Variants in AOPEP observed in about 807,000 individuals in gnomAD.
AOPEP encodes aminopeptidase O (putative), also known as aminopeptidase O.
A neutral mutation model predicts 98.1 loss-of-function variants in AOPEP; 77 were observed. That is an observed-to-expected ratio of 0.78 (90% CI 0.65 to 0.95). The LOEUF is 0.95. Ranked by LOEUF, AOPEP falls within the 40% of genes least tolerant of loss-of-function variation. AOPEP has a pLI of 0.00. For missense variants in AOPEP, 1,024 were observed against 1,024.7 expected, an observed-to-expected ratio of 1.00 and a Z score of 0.01; for synonymous variants, 346 against 365.3, an observed-to-expected ratio of 0.95 and a Z score of 0.60.
intron 13 of AOPEP, among the ~76,000 whole-genome samples, chr9:95,040,150 C>A (rs911203259): frequency 2.6e-5 from 4 of 152,178 alleles, no homozygotes; most frequent in African/African-American, 9.7e-5. Context: ...AGTCAGGGGA[C>A]CCTGAGGCCA....
At position 94,929,158 on chromosome 9, in the gene AOPEP, C is replaced by T. The variant is rs139995515; in HGVS notation, c.1661+627C>T. 4.7e-3 allele frequency among the ~76,000 whole-genome samples: 723 copies of T among 152,300 alleles called. 1 individual carries two copies. Among genetic ancestry groups the T allele is most frequent in the Non-Finnish European group, 7.9e-3 (535 of 68,028 alleles). Reference sequence around the variant, plus strand: ...AAACCTGGTACCTAGGCTCCGGGAGCACTGTGGTTGCTATGGCAACAGGAG... The same window carrying T: ...AAACCTGGTACCTAGGCTCCGGGAGTACTGTGGTTGCTATGGCAACAGGAG... On this transcript the variant is annotated intron_variant, in intron 7 of 16. Transcript: ENST00000375315.
chr9:94,875,408 G>A (rs1318144031), intron 5 of AOPEP, among the ~76,000 whole-genome samples: 1 of 145,590 alleles, frequency 6.9e-6, no homozygotes, highest in Non-Finnish European at 1.5e-5. Context: ...GAGTCAAAAT[G>A]GATTCAGAGA....
At chr9:94,769,807 C>T (rs563649484) in intron 2 of AOPEP, among the ~76,000 whole-genome samples, 3 of 152,148 alleles carry the variant, frequency 2.0e-5, no homozygotes, top group African/African-American at 4.8e-5. Flanking sequence ...GGTCAGGTGC[C>T]CAGATGCACA....
At chr9:94,727,958 A>G (rs759255668) in intron 1 of AOPEP, among the ~76,000 whole-genome samples, 1 of 152,216 alleles carries the variant, frequency 6.6e-6, no homozygotes, top group Non-Finnish European at 1.5e-5. Flanking sequence ...TTTCGGTTAT[A>G]TGAAATTGAC....
intron 5 of AOPEP, chr9:94,920,076 T>C (rs1258554331): frequency 6.6e-6 from 1 of 151,780 alleles, no homozygotes; most frequent in Admixed American, 6.6e-5. Flanking sequence ...TCACCTGAGG[T>C]TGGGAGTTTG....
intron 5 of AOPEP, among the ~76,000 whole-genome samples, chr9:94,915,507 GA>G (rs1221479882): frequency 6.6e-6 from 1 of 152,078 alleles, no homozygotes; most frequent in Non-Finnish European, 1.5e-5. Flanking sequence ...GTCTGGCAGG[GA>G]ACCCGCTCTT....
At chr9:94,898,099 C>T (rs1474629342) in intron 5 of AOPEP, among the ~76,000 whole-genome samples, 5 of 152,066 alleles carry the variant, frequency 3.3e-5, no homozygotes, top group Non-Finnish European at 5.9e-5. Context: ...CTCAGCCTCC[C>T]GAAATGCTGG....
At chr9:94,935,908 C>G (rs2056198563) in intron 7 of AOPEP, among the ~76,000 whole-genome samples, 1 of 152,202 alleles carries the variant, frequency 6.6e-6, no homozygotes, top group African/African-American at 2.4e-5. Flanking sequence ...GTGTTGTACT[C>G]ATCGCTGGTG....
At chr9:94,860,477 G>T (rs924002635) in intron 5 of AOPEP, among the ~76,000 whole-genome samples, 3 of 152,154 alleles carry the variant, frequency 2.0e-5, no homozygotes, top group African/African-American at 7.2e-5. Flanking sequence ...AGAATGAAGC[G>T]ACAGGAGTAG....
At chr9:95,135,459 G>A in the AOPEP span, 1 of 1,614,090 alleles carries the variant, frequency 6.2e-7, no homozygotes, top group Non-Finnish European at 8.5e-7. Context: ...AGGTGCCGAA[G>A]CCAGAGGCAG....
chr9:95,099,342 CA>C, the AOPEP span: 1 of 227,744 alleles, frequency 4.4e-6, no homozygotes, highest in Non-Finnish European at 8.7e-6. Context: ...CAGTTCCTTC[CA>C]GGGTGGCTTC....
intron 3 of AOPEP, among the ~76,000 whole-genome samples, chr9:94,790,379 C>T (rs1318942462): frequency 3.3e-5 from 5 of 151,532 alleles, no homozygotes; most frequent in Non-Finnish European, 5.9e-5. Context: ...ATTGCCCAGG[C>T]TGGTCTCGAA....
chr9:95,005,539 C>T lies in AOPEP; in HGVS notation c.2041-3C>T, dbSNP rs760107803. 6.2e-7 allele frequency: 1 copy of T among 1,613,670 alleles called. No individual in the cohort carries two copies. Among genetic ancestry groups the T allele is most frequent in the Non-Finnish European group, 8.5e-7 (1 of 1,179,744 alleles). ...TTGAAATGCTGTGGTTTTTGAACCT[C>T]AGGTCACGAAATGGATTGGAGTGAA... On this transcript the variant is annotated splice_polypyrimidine_tract_variant and splice_region_variant and intron_variant, in intron 12 of 16. Transcript: ENST00000375315.
intron 7 of AOPEP, chr9:94,931,899 T>C: frequency 8.3e-7 from 1 of 1,206,096 alleles, no homozygotes; most frequent in Admixed American, 2.5e-5. Context: ...TCACCTCTCT[T>C]GCTGGCAGGT....
chr9:95,147,607 TA>T, the AOPEP span, among the ~76,000 whole-genome samples: 1 of 152,220 alleles, frequency 6.6e-6, no homozygotes, highest in Non-Finnish European at 1.5e-5. Context: ...GAAAGTGGGC[TA>T]AACTGTAAAT....
At position 95,073,360 on chromosome 9, in the gene AOPEP, A is replaced by C. The variant is rs899846871; in HGVS notation, c.2233-7334A>C. On this transcript the variant is annotated intron_variant, in intron 14 of 16. Transcript: ENST00000375315. ...TCCAGCCTGGAGCATCAGGCTCTGG[A>C]AGCCGAGCTTGTATGTAGGTTTTCA... Among the ~76,000 whole-genome samples the C allele has an allele frequency of 1.6e-4, 24 of 152,022 alleles. No individual in the cohort carries two copies. In the East Asian group the frequency reaches 4.6e-3, roughly 29 times the overall value.
chr9:94,906,611 T>G (rs925394610), intron 5 of AOPEP, among the ~76,000 whole-genome samples: 1 of 152,218 alleles, frequency 6.6e-6, no homozygotes, highest in Admixed American at 6.5e-5. Context: ...AAGGTTACAG[T>G]AAACTACGAT....
chr9:94,876,559 G>A (rs550401906), intron 5 of AOPEP, among the ~76,000 whole-genome samples: 1 of 152,068 alleles, frequency 6.6e-6, no homozygotes, highest in East Asian at 1.9e-4. Context: ...TAGAGACGAG[G>A]TTTCACCGTG....
chr9:94,966,874 C>G (rs776396023), intron 9 of AOPEP, among the ~76,000 whole-genome samples: 2 of 152,138 alleles, frequency 1.3e-5, no homozygotes, highest in Non-Finnish European at 2.9e-5. Flanking sequence ...ATTCACAGTA[C>G]AAATTAAATA....
Sources: gnomAD v4.1 joint callset for allele counts (sites outside exome capture counted in the v4.1 genomes callset) on GRCh38, gnomAD v4.1.1 for gene constraint, MANE v1.5 for transcripts, NCBI Gene and HGNC (gene_info 2026-07-23, HGNC 2026-07-21) for gene names.